Variants in TRABD2B observed in about 807,000 individuals in gnomAD.
TRABD2B encodes metalloprotease TIKI2.
A neutral mutation model predicts 40.1 loss-of-function variants in TRABD2B; 14 were observed. The observed-to-expected ratio is 0.35, with a 90% CI of 0.23 to 0.55. The LOEUF is 0.55. TRABD2B is among the 20% of genes least tolerant of loss of function. The pLI is 0.90. For synonymous variants in TRABD2B, 263 were observed against 277.0 expected (o/e 0.95, Z 0.50); for missense variants, 541 against 648.6 (o/e 0.83, Z 1.80).
Position 47,895,767 on chromosome 1 carries a change from G to GC in TRABD2B, c.667-94149dup, listed in dbSNP as rs565100332. 5.8e-4 allele frequency among the ~76,000 whole-genome samples: 89 copies of GC among 152,330 alleles called. 1 individual carries two copies. The highest frequency in any genetic ancestry group is 2.1e-3 in the African/African-American group (86 of 41,588). On this transcript the variant is annotated intron_variant, in intron 2 of 6. Transcript: ENST00000606738. ...TGGGTGATCCTCTGGGCTGAAAGGG[G>GC]CCCATAGGGCAGAGATTTCCTCAGG...
chr1:47,788,490 C>T (rs958125579), intron 4 of TRABD2B, among the ~76,000 whole-genome samples: 12 of 152,174 alleles, frequency 7.9e-5, no homozygotes, highest in Admixed American at 5.2e-4. Context: ...CACTGCTTGC[C>T]TCTTAACTCT....
intron 2 of TRABD2B, among the ~76,000 whole-genome samples, chr1:47,927,312 G>A (rs962482467): frequency 3.3e-5 from 5 of 152,206 alleles, no homozygotes; most frequent in African/African-American, 9.6e-5. Context: ...TGACAATATG[G>A]TAAATACAGA....
At chr1:47,907,523 G>C (rs1412807472) in intron 2 of TRABD2B, among the ~76,000 whole-genome samples, 1 of 152,138 alleles carries the variant, frequency 6.6e-6, no homozygotes, top group Non-Finnish European at 1.5e-5. Flanking sequence ...CATGAGTTAG[G>C]ACTTGTGGTT....
chr1:47,912,361 A>C (rs527248934), intron 2 of TRABD2B, among the ~76,000 whole-genome samples: 1 of 152,360 alleles, frequency 6.6e-6, no homozygotes, highest in South Asian at 2.1e-4. Flanking sequence ...AAAGCAAAGC[A>C]ATGTGTGCGT....
At chr1:47,898,555 C>A (rs1644556048) in intron 2 of TRABD2B, among the ~76,000 whole-genome samples, 1 of 152,140 alleles carries the variant, frequency 6.6e-6, no homozygotes, top group African/African-American at 2.4e-5. Context: ...TTTTTTGAAG[C>A]CAGAAAGAAC....
At chr1:47,941,353 C>A (rs1645185474) in intron 2 of TRABD2B, among the ~76,000 whole-genome samples, 1 of 152,204 alleles carries the variant, frequency 6.6e-6, no homozygotes, top group African/African-American at 2.4e-5. Context: ...CACACATACA[C>A]ATCTATGTGT....
intron 2 of TRABD2B, among the ~76,000 whole-genome samples, chr1:47,829,963 G>A (rs1645227006): frequency 6.6e-6 from 1 of 151,936 alleles, no homozygotes; most frequent in Non-Finnish European, 1.5e-5. Flanking sequence ...CTGGTCTCTG[G>A]GCCTTAAACT....
chr1:47,852,855 T>C (rs1643835860), intron 2 of TRABD2B, among the ~76,000 whole-genome samples: 1 of 152,186 alleles, frequency 6.6e-6, no homozygotes, highest in Admixed American at 6.5e-5. Flanking sequence ...AAGTTGAGTA[T>C]TTCAAAGTAT....
In TRABD2B at chr1:47,858,840, A is replaced by T. The variant is rs183975476; in HGVS notation, c.667-57221T>A. Among the ~76,000 whole-genome samples the T allele has an allele frequency of 3.1e-3, 474 of 152,310 alleles. 2 individuals carry two copies. The highest frequency in any genetic ancestry group is 0.011 in the African/African-American group (457 of 41,562). On this transcript the variant is annotated intron_variant, in intron 2 of 6. Transcript: ENST00000606738. ...GCTAAGCCTGCAGATGCCTCTAGAG[A>T]AAGGTCCTCAGGATGGCGGCCTGGT...
rs141660023 is a variant in TRABD2B at position 47,989,749 on chromosome 1, AACACACACAC to A, written c.666+4275_666+4284del. ...AGAAATGATGGTCTACCACCATTCC[AACACACACAC>A]ACACACACACACACAAACACACACA... On this transcript the variant is annotated intron_variant, in intron 2 of 6. Coordinates refer to ENST00000606738, the MANE Select transcript of TRABD2B (RefSeq NM_001194986.2). Among the ~76,000 whole-genome samples, 46 of 149,122 alleles carry A rather than the reference AACACACACAC, an allele frequency of 3.1e-4. 1 individual carries two copies. The South Asian group carries it at 8.8e-3, about 28-fold the overall frequency.
intron 2 of TRABD2B, among the ~76,000 whole-genome samples, chr1:47,856,604 G>C (rs938246221): frequency 3.3e-5 from 5 of 152,142 alleles, no homozygotes; most frequent in African/African-American, 1.2e-4. Context: ...AGTTTTTCCA[G>C]TCATGATGTC....
At chr1:47,793,794 A>G (rs568275213) in intron 4 of TRABD2B, among the ~76,000 whole-genome samples, 27 of 152,370 alleles carry the variant, frequency 1.8e-4, no homozygotes, top group Non-Finnish European at 3.5e-4. Context: ...AAGGAAACAA[A>G]GAGTGAGGGA....
chr1:47,786,089 T>C (rs1644592039), intron 4 of TRABD2B, among the ~76,000 whole-genome samples: 1 of 152,216 alleles, frequency 6.6e-6, no homozygotes, highest in Admixed American at 6.5e-5. Flanking sequence ...ATTTACGGAA[T>C]GACTGTGCAA....
Position 47,876,187 on chromosome 1 carries a change from C to T in TRABD2B, c.667-74568G>A, listed in dbSNP as rs144881175. Among the ~76,000 whole-genome samples the T allele has an allele frequency of 1.5e-3, 232 of 152,316 alleles. 2 individuals carry two copies. Among genetic ancestry groups the T allele is most frequent in the Admixed American group, 6.5e-3 (100 of 15,302 alleles). ...ACTGAGCTTGAACAAGCGCGTCACC[C>T]TCTCTAAGCCTCAGTTCAGTCAACT... is the stretch of plus-strand genomic sequence containing the variant. On this transcript the variant is annotated intron_variant, in intron 2 of 6. Coordinates refer to ENST00000606738, the MANE Select transcript of TRABD2B (RefSeq NM_001194986.2).
intron 2 of TRABD2B, among the ~76,000 whole-genome samples, chr1:47,941,770 C>T (rs1258265682): frequency 6.6e-6 from 1 of 152,230 alleles, no homozygotes; most frequent in African/African-American, 2.4e-5. Flanking sequence ...GTTTGAGTCC[C>T]TTCTCTGCCA....
chr1:47,871,301 G>C (rs951599103), intron 2 of TRABD2B, among the ~76,000 whole-genome samples: 1 of 152,290 alleles, frequency 6.6e-6, no homozygotes, highest in South Asian at 2.1e-4. Context: ...TACGCCGTCA[G>C]TGTGGCCCCT....
intron 2 of TRABD2B, among the ~76,000 whole-genome samples, chr1:47,916,923 A>G (rs1644837627): frequency 6.6e-6 from 1 of 152,246 alleles, no homozygotes; most frequent in Admixed American, 6.5e-5. Context: ...GGCACTAGCC[A>G]AAGCACTGTA....
At chr1:47,795,199 C>A (rs553569202) in intron 3 of TRABD2B, among the ~76,000 whole-genome samples, 3 of 152,316 alleles carry the variant, frequency 2.0e-5, no homozygotes, top group East Asian at 3.9e-4. Context: ...CTCATCAATT[C>A]CAAAATCCTC....
intron 4 of TRABD2B, among the ~76,000 whole-genome samples, chr1:47,782,270 A>G (rs184916068): frequency 6.6e-6 from 1 of 152,120 alleles, no homozygotes; most frequent in Admixed American, 6.5e-5. Flanking sequence ...CCTCATCTTC[A>G]TACGATCAGT....
Sources: allele counts gnomAD v4.1 joint callset (sites outside exome capture counted in the v4.1 genomes callset), GRCh38; gene constraint gnomAD v4.1.1; transcripts MANE v1.5; gene names NCBI Gene and HGNC (gene_info 2026-07-23, HGNC 2026-07-21).